DGKB: variants seen among roughly 807,000 people sequenced by gnomAD.
DGKB encodes 90 kDa diacylglycerol kinase.
A neutral mutation model predicts 114.3 loss-of-function variants in DGKB; 67 were observed. The observed-to-expected ratio is 0.59, with a 90% confidence interval of 0.48 to 0.72. DGKB has a LOEUF of 0.72. Among genes scored for constraint, DGKB ranks in the 30% least tolerant of loss-of-function variants. The probability of loss-of-function intolerance (pLI) is 0.00; values close to 1 mark genes in which losing one functional copy is unlikely to be tolerated. For missense variants in DGKB, 907 were observed against 975.2 expected (o/e 0.93, Z 0.93); for synonymous variants, 398 against 323.1 (o/e 1.23, Z -2.49).
chr7:14,952,249 C>G (rs1441256973), intron 1 of DGKB, among the ~76,000 whole-genome samples: 1 of 151,970 alleles, frequency 6.6e-6, no homozygotes, highest in Non-Finnish European at 1.5e-5. Context: ...CTGATGATAC[C>G]TTAATCTTAG....
intron 2 of DGKB, among the ~76,000 whole-genome samples, chr7:14,791,239 A>G (rs1840625907): frequency 6.6e-6 from 1 of 152,206 alleles, no homozygotes; most frequent in African/African-American, 2.4e-5. Context: ...CATTGTCAAT[A>G]TATAGAAATA....
At chr7:14,741,133 C>T (rs910811033) in intron 4 of DGKB, among the ~76,000 whole-genome samples, 16 of 152,108 alleles carry the variant, frequency 1.1e-4, no homozygotes, top group African/African-American at 3.4e-4. Flanking sequence ...ACACTCCTCT[C>T]GGATGCATCC....
chr7:14,628,325 G>GT (rs111355946), intron 14 of DGKB, among the ~76,000 whole-genome samples: 10 of 144,818 alleles, frequency 6.9e-5, no homozygotes, highest in Admixed American at 2.7e-4. Context: ...GTGTGTGTGT[G>GT]GTGTGTATGA....
At chr7:14,810,058 T>G (rs6461135) in intron 2 of DGKB, among the ~76,000 whole-genome samples, 61,277 of 151,692 alleles carry the variant, frequency 0.4, 13,919 homozygotes, top group African/African-American at 0.62. Flanking sequence ...ATTCTTCATT[T>G]AGTCCTTTAA....
intron 23 of DGKB, among the ~76,000 whole-genome samples, chr7:14,322,082 T>C (rs968731027): frequency 6.6e-6 from 1 of 152,218 alleles, no homozygotes; most frequent in African/African-American, 2.4e-5. Context: ...TAAGGACTGA[T>C]GAATCGACCC....
At chr7:14,870,710 G>A (rs981093972) in intron 1 of DGKB, among the ~76,000 whole-genome samples, 1 of 152,074 alleles carries the variant, frequency 6.6e-6, no homozygotes, top group Admixed American at 6.6e-5. Context: ...CAGAAGAATC[G>A]CTTGAACCCA....
At chr7:14,393,507 C>T (rs969637203) in intron 21 of DGKB, among the ~76,000 whole-genome samples, 4 of 152,058 alleles carry the variant, frequency 2.6e-5, no homozygotes, top group Non-Finnish European at 5.9e-5. Context: ...ATGTAATAAT[C>T]TACATAAATA....
At chr7:14,207,789 A>G (rs1368931714) in intron 23 of DGKB, among the ~76,000 whole-genome samples, 1 of 152,038 alleles carries the variant, frequency 6.6e-6, no homozygotes, top group Non-Finnish European at 1.5e-5. Flanking sequence ...AGGGCACACA[A>G]ACCATGAGGA....
intron 18 of DGKB, among the ~76,000 whole-genome samples, chr7:14,581,248 C>A (rs893043636): frequency 1.3e-5 from 2 of 152,090 alleles, no homozygotes; most frequent in African/African-American, 4.8e-5. Context: ...TGTCTTATCT[C>A]CACTACAATC....
chr7:14,762,866 G>T (rs1835907282), intron 2 of DGKB, among the ~76,000 whole-genome samples: 1 of 152,054 alleles, frequency 6.6e-6, no homozygotes. Context: ...TAATGATAGG[G>T]ATCTGGCAAT....
At chr7:14,926,121 C>CT (rs945171000) in intron 1 of DGKB, among the ~76,000 whole-genome samples, 2 of 151,884 alleles carry the variant, frequency 1.3e-5, no homozygotes, top group Non-Finnish European at 2.9e-5. Flanking sequence ...TTTTCAAACA[C>CT]TTTTTTTGCA....
intron 13 of DGKB, among the ~76,000 whole-genome samples, chr7:14,653,322 G>C (rs914545265): frequency 6.6e-6 from 1 of 152,008 alleles, no homozygotes; most frequent in Non-Finnish European, 1.5e-5. Flanking sequence ...ATACTATGCA[G>C]CCATAAAAAA....
intron 16 of DGKB, among the ~76,000 whole-genome samples, chr7:14,610,110 G>A (rs1250771787): frequency 6.6e-6 from 1 of 151,998 alleles, no homozygotes; most frequent in East Asian, 1.9e-4. Flanking sequence ...GCAAAGACAT[G>A]GAATCAACCT....
chr7:14,812,829 G>A (rs1474243941), intron 2 of DGKB, among the ~76,000 whole-genome samples: 8 of 152,036 alleles, frequency 5.3e-5, no homozygotes. Flanking sequence ...GCTTGATTAG[G>A]GTAAATTTAG....
rs536115628 is a variant in DGKB at position 14,236,790 on chromosome 7, C to G, written c.2123-58639G>C. Among the ~76,000 whole-genome samples the G allele has an allele frequency of 2.1e-3, 318 of 152,064 alleles. 2 individuals are homozygous for G. The highest frequency in any genetic ancestry group is 0.01 in the Middle Eastern group (3 of 294). On this transcript the variant is annotated intron_variant, in intron 23 of 25. Transcript: ENST00000402815. ...AGCCATTTTAATTCTCACACCAGCACACATCTCACAAGAATTGAAAATAAA... is the reference window on the plus strand; with the variant it reads ...AGCCATTTTAATTCTCACACCAGCAGACATCTCACAAGAATTGAAAATAAA...
chr7:14,238,908 T>C (rs1358703793), intron 23 of DGKB, among the ~76,000 whole-genome samples: 1 of 152,058 alleles, frequency 6.6e-6, no homozygotes, highest in Admixed American at 6.6e-5. Flanking sequence ...TATTTGTTGT[T>C]TTTACTAGGT....
chr7:14,832,574 G>A (rs1846574089), intron 2 of DGKB, among the ~76,000 whole-genome samples: 1 of 151,870 alleles, frequency 6.6e-6, no homozygotes, highest in Non-Finnish European at 1.5e-5. Context: ...ATAAAGACTC[G>A]GGATGCGTTT....
intron 21 of DGKB, among the ~76,000 whole-genome samples, chr7:14,361,867 T>C (rs1217290715): frequency 2.0e-5 from 3 of 152,004 alleles, no homozygotes; most frequent in African/African-American, 7.2e-5. Context: ...TTTTTTCCTA[T>C]ATTAAAATAC....
At chr7:14,870,605 G>T (rs903222140) in intron 1 of DGKB, among the ~76,000 whole-genome samples, 1 of 152,072 alleles carries the variant, frequency 6.6e-6, no homozygotes, top group African/African-American at 2.4e-5. Context: ...AGATCAGCCT[G>T]ACCAACATGG....
Sources: allele counts gnomAD v4.1 joint callset (sites outside exome capture counted in the v4.1 genomes callset), GRCh38; gene constraint gnomAD v4.1.1; transcripts MANE v1.5; gene names NCBI Gene and HGNC (gene_info 2026-07-23, HGNC 2026-07-21).